The following OCA2 variants were observed in gnomAD, a reference collection of about 807,000 sequenced individuals.
The protein encoded by OCA2 is P protein.
In OCA2, 77 loss-of-function variants were observed where a neutral mutation model predicts 100.2. The ratio of observed to expected loss-of-function variants is 0.77; its 90% CI spans 0.64 to 0.93. The LOEUF (loss-of-function observed/expected upper bound fraction) is 0.93, where lower values mean the gene tolerates loss of function less well. Ranked by LOEUF, OCA2 falls within the 40% of genes least tolerant of loss-of-function variation. The probability of loss-of-function intolerance (pLI) is 0.00; values close to 1 mark genes in which losing one functional copy is unlikely to be tolerated. For synonymous variants in OCA2, 432 were observed against 439.2 expected (o/e 0.98, Z 0.21); for missense variants, 1,062 against 1,089.1 (o/e 0.98, Z 0.35).
chr15:27,767,899 A>G (rs2031393394), intron 23 of OCA2, among the ~76,000 whole-genome samples: 1 of 152,206 alleles, frequency 6.6e-6, no homozygotes, highest in African/African-American at 2.4e-5. Flanking sequence ...AAACAAAACA[A>G]AAACTCCTAC....
the OCA2 span, among the ~76,000 whole-genome samples, chr15:27,742,756 C>G: frequency 6.6e-6 from 1 of 152,166 alleles, no homozygotes; most frequent in African/African-American, 2.4e-5. Flanking sequence ...ATGATAGAAT[C>G]CGAAATGATG....
intron 18 of OCA2, among the ~76,000 whole-genome samples, chr15:27,934,137 T>C (rs1439629253): frequency 6.6e-6 from 1 of 152,116 alleles, no homozygotes; most frequent in Non-Finnish European, 1.5e-5. Context: ...GCATATGATA[T>C]ATTATTTTTC....
chr15:27,737,524 A>G, the OCA2 span, among the ~76,000 whole-genome samples: 866 of 152,308 alleles, frequency 5.7e-3, 14 homozygotes, highest in African/African-American at 0.02. Flanking sequence ...TTAAATGAAA[A>G]GTCAACTGAA....
chr15:27,788,588 G>C (rs2032930972), intron 23 of OCA2, among the ~76,000 whole-genome samples: 1 of 151,712 alleles, frequency 6.6e-6, no homozygotes, highest in South Asian at 2.1e-4. Flanking sequence ...CGTATTTTTA[G>C]TCTAAACCTG....
At chr15:27,960,516 A>C (rs1453201023) in intron 15 of OCA2, among the ~76,000 whole-genome samples, 1 of 152,132 alleles carries the variant, frequency 6.6e-6, no homozygotes, top group Non-Finnish European at 1.5e-5. Context: ...CTTAATTCTT[A>C]TTGTTCCTTA....
chr15:27,772,895 C>A (rs1032770056), intron 23 of OCA2, among the ~76,000 whole-genome samples: 1 of 150,846 alleles, frequency 6.6e-6, no homozygotes, highest in Non-Finnish European at 1.5e-5. Flanking sequence ...TCTAAGAATT[C>A]AATGCTCAGA....
At chr15:28,069,600 C>T (rs1336100312) in intron 2 of OCA2, among the ~76,000 whole-genome samples, 1 of 140,580 alleles carries the variant, frequency 7.1e-6, no homozygotes. Flanking sequence ...GACGGGGTTT[C>T]GCTGTGTTGG....
intron 2 of OCA2, among the ~76,000 whole-genome samples, chr15:28,033,387 A>C (rs753766165): frequency 2.0e-5 from 3 of 152,238 alleles, no homozygotes; most frequent in Non-Finnish European, 4.4e-5. Context: ...CAAAGGAAGA[A>C]ATTTTAAGAA....
chr15:27,972,852 TA>T (rs374997825), intron 14 of OCA2, among the ~76,000 whole-genome samples: 65,279 of 143,274 alleles, frequency 0.46, 21,513 homozygotes, highest in Non-Finnish European at 0.67. Flanking sequence ...TATTTTATTT[TA>T]TTTTATTTTA....
chr15:28,027,932 A>G lies in OCA2; in HGVS notation c.454T>C (p.Ser152Pro), dbSNP rs780740527. 1.9e-6 allele frequency: 3 copies of G among 1,614,004 alleles called. No homozygotes were observed. Among genetic ancestry groups the G allele is most frequent in the South Asian group, 1.1e-5 (1 of 91,082 alleles). ...TCCAGAAGGTCTCCCTTCTCGGAGG[A>G]GGCAGATGCAGACAGACCAGACACC... ...REVSGLSASA[S>P]SEKGDLLDSP... Residue 152 changes from serine (S) to proline (P), a missense_variant, in exon 4 of 24, where the codon TCC (serine) becomes CCC (proline). Coordinates refer to ENST00000354638, the MANE Select transcript of OCA2 (RefSeq NM_000275.3).
the OCA2 span, among the ~76,000 whole-genome samples, chr15:27,743,279 G>A: frequency 6.6e-6 from 1 of 152,202 alleles, no homozygotes; most frequent in East Asian, 1.9e-4. Context: ...GTCTGTAAGG[G>A]CTGCACTGCC....
the OCA2 span, among the ~76,000 whole-genome samples, chr15:27,728,815 T>A: frequency 1.3e-5 from 2 of 152,172 alleles, no homozygotes; most frequent in African/African-American, 4.8e-5. Flanking sequence ...CTAAGATATT[T>A]CCAGAAAGTG....
chr15:28,020,367 A>G (rs1033856443), intron 6 of OCA2, among the ~76,000 whole-genome samples: 2 of 152,142 alleles, frequency 1.3e-5, no homozygotes, highest in African/African-American at 4.8e-5. Context: ...TGACTGATCA[A>G]GTTTGGTGCC....
chr15:27,777,962 A>G (rs74007365), intron 23 of OCA2, among the ~76,000 whole-genome samples: 1 of 152,330 alleles, frequency 6.6e-6, no homozygotes, highest in African/African-American at 2.4e-5. Context: ...AAGGCAGGCA[A>G]GCTCTTTTTA....
chr15:27,793,866 G>A (rs2033201714), intron 23 of OCA2, among the ~76,000 whole-genome samples: 1 of 152,130 alleles, frequency 6.6e-6, no homozygotes, highest in Non-Finnish European at 1.5e-5. Context: ...TGGCCCTCCT[G>A]GGCTGCGTGA....
chr15:27,853,137 G>A (rs1481093505), intron 21 of OCA2, among the ~76,000 whole-genome samples: 6 of 116,354 alleles, frequency 5.2e-5, no homozygotes, highest in African/African-American at 1.0e-4. Flanking sequence ...TGTTTATTGC[G>A]GCACTATTCA....
At chr15:27,960,446 C>T (rs2040369797) in intron 15 of OCA2, among the ~76,000 whole-genome samples, 1 of 152,190 alleles carries the variant, frequency 6.6e-6, no homozygotes, top group Admixed American at 6.5e-5. Context: ...CAGCTCTTGC[C>T]TTGTCTGCTT....
At chr15:27,863,973 G>A (rs2036228238) in intron 21 of OCA2, among the ~76,000 whole-genome samples, 2 of 152,070 alleles carry the variant, frequency 1.3e-5, no homozygotes, top group South Asian at 4.2e-4. Context: ...TGTGCCACTT[G>A]GATTTCACGG....
intron 18 of OCA2, among the ~76,000 whole-genome samples, chr15:27,940,998 T>C (rs1035419809): frequency 2.0e-5 from 3 of 152,214 alleles, no homozygotes; most frequent in Non-Finnish European, 4.4e-5. Flanking sequence ...CTTAGCATTG[T>C]GACTGCAAAG....
Sources: allele counts gnomAD v4.1 joint callset (sites outside exome capture counted in the v4.1 genomes callset), GRCh38; gene constraint gnomAD v4.1.1; transcripts MANE v1.5; gene names NCBI Gene and HGNC (gene_info 2026-07-23, HGNC 2026-07-21).